Variants in OPHN1 observed in about 807,000 individuals in gnomAD.
OPHN1 encodes oligophrenin 1.
OPHN1 carries 11 observed loss-of-function variants against 60.7 expected under a neutral mutation model. The observed-to-expected ratio is 0.18, with a 90% CI of 0.11 to 0.30. The LOEUF (loss-of-function observed/expected upper bound fraction) is 0.30, where lower values mean the gene tolerates loss of function less well. Ranked by LOEUF, OPHN1 falls within the 10% of genes least tolerant of loss-of-function variation. OPHN1 has a pLI of 1.00. For synonymous variants in OPHN1, 226 were observed against 222.6 expected, an observed-to-expected ratio of 1.02 and a Z score of -0.14; for missense variants, 449 against 611.0, an observed-to-expected ratio of 0.73 and a Z score of 2.80.
intron 2 of OPHN1, among the ~76,000 whole-genome samples, chrX:68,303,464 T>A (rs1349905737): frequency 1.8e-5 from 2 of 109,996 alleles, no homozygotes; most frequent in African/African-American, 6.6e-5. Context: ...CTGACCAACA[T>A]GGTAAAACTC....
chrX:68,264,966 A>G (rs1326774741), intron 5 of OPHN1, among the ~76,000 whole-genome samples: 1 of 112,461 alleles, frequency 8.9e-6, no homozygotes, highest in Non-Finnish European at 1.9e-5. Flanking sequence ...GCAAGGCAGC[A>G]GCGAGGCTGG....
intron 2 of OPHN1, among the ~76,000 whole-genome samples, chrX:68,412,677 A>G (rs1172002192): frequency 2.7e-5 from 3 of 111,690 alleles, no homozygotes; most frequent in Non-Finnish European, 5.6e-5. Context: ...AAAACAATTA[A>G]AAATTATTTA....
intron 15 of OPHN1, among the ~76,000 whole-genome samples, chrX:68,137,601 G>C (rs966131215): frequency 9.0e-6 from 1 of 111,513 alleles, no homozygotes; most frequent in Non-Finnish European, 1.9e-5. Flanking sequence ...ATTAAGACTA[G>C]AACGGACATC....
At chrX:68,058,422 ATG>A in intron 21 of OPHN1, among the ~76,000 whole-genome samples, 1 of 111,613 alleles carries the variant, frequency 9.0e-6, no homozygotes. Context: ...GTGCCAAAAT[ATG>A]TGAATCAAGG....
At chrX:68,170,710 C>T (rs890768491) in intron 15 of OPHN1, among the ~76,000 whole-genome samples, 1 of 99,090 alleles carries the variant, frequency 1.0e-5, no homozygotes, top group Non-Finnish European at 2.0e-5. Flanking sequence ...CATATTCTCA[C>T]TCATAGGTGG....
At chrX:68,053,542 C>G in intron 22 of OPHN1, 103 bp downstream of exon 22, 3 of 839,542 alleles carry the variant, frequency 3.6e-6, no homozygotes, top group Non-Finnish European at 5.2e-6. Flanking sequence ...GTGAAGGATG[C>G]CCCAGGGCTG....
chrX:68,276,035 G>A (rs1415561408), intron 4 of OPHN1, among the ~76,000 whole-genome samples: 2 of 111,142 alleles, frequency 1.8e-5, no homozygotes, highest in African/African-American at 6.5e-5. Context: ...ATAAAACTAG[G>A]CAAGAAAAAA....
chrX:68,395,251 T>C (rs2078677318), intron 2 of OPHN1, among the ~76,000 whole-genome samples: 1 of 105,677 alleles, frequency 9.5e-6, no homozygotes, highest in African/African-American at 3.5e-5. Flanking sequence ...GCCACTGTGC[T>C]TGGCCTTGTT....
At chrX:68,131,282 A>C (rs1203787923) in intron 15 of OPHN1, among the ~76,000 whole-genome samples, 1 of 109,241 alleles carries the variant, frequency 9.2e-6, no homozygotes, top group Non-Finnish European at 1.9e-5. Context: ...GCAGTGGTGC[A>C]ATCTCGGCTC....
At position 68,193,087 on chromosome X, in the gene OPHN1, C is replaced by T. The variant is rs189578092; in HGVS notation, c.1202-94G>A. The T allele has an allele frequency of 1.8e-3, 1,164 of 647,951 alleles. 20 individuals are homozygous for T. In the African/African-American group the frequency reaches 0.022, roughly 12 times the overall value. The allele number at this position is 647,951 out of a possible 1,213,427, so 53.4% of individuals were successfully genotyped here. A position where few individuals can be genotyped will look rare whatever the true frequency, so the allele number is the denominator to read the frequency against. On this transcript the variant is annotated intron_variant, in intron 14 of 24. Coordinates refer to ENST00000355520, the MANE Select transcript of OPHN1 (RefSeq NM_002547.3). ...AGGGTCAATTCAGATAGGAAGGGGTCACACTACATACTCCAAGTTCTCCAG... is the reference window on the plus strand; with the variant it reads ...AGGGTCAATTCAGATAGGAAGGGGTTACACTACATACTCCAAGTTCTCCAG...
chrX:68,150,409 G>GA (rs1433517336), intron 15 of OPHN1, among the ~76,000 whole-genome samples: 1 of 111,359 alleles, frequency 9.0e-6, no homozygotes, highest in Admixed American at 9.6e-5. Flanking sequence ...GGTTGAGTGG[G>GA]AAAAAATGGA....
At chrX:68,433,715 C>T (rs2078897915), upstream of OPHN1, 1 of 295,782 alleles carries the variant, frequency 3.4e-6, no homozygotes, top group South Asian at 2.0e-4. Context: ...TCCTTTTAGG[C>T]GCCGGAAGGG....
chrX:68,135,571 G>T (rs1337023323), intron 15 of OPHN1, among the ~76,000 whole-genome samples: 3 of 112,268 alleles, frequency 2.7e-5, no homozygotes, highest in Non-Finnish European at 5.6e-5. Context: ...CAGTCTAGCT[G>T]CTGTGTAGAC....
At chrX:68,166,912 T>G (rs2077361002) in intron 15 of OPHN1, among the ~76,000 whole-genome samples, 1 of 112,164 alleles carries the variant, frequency 8.9e-6, no homozygotes, top group South Asian at 3.7e-4. Flanking sequence ...ATCTAAGACC[T>G]CAAACTATAA....
chrX:68,410,434 C>T (rs924676940), intron 2 of OPHN1, among the ~76,000 whole-genome samples: 2 of 110,471 alleles, frequency 1.8e-5, no homozygotes, highest in Non-Finnish European at 3.8e-5. Context: ...CAGTGGTTCA[C>T]GCCTGTAATC....
intron 2 of OPHN1, among the ~76,000 whole-genome samples, chrX:68,377,600 T>G (rs1316179629): frequency 9.4e-6 from 1 of 106,340 alleles, no homozygotes; most frequent in African/African-American, 3.4e-5. Context: ...CCCACAACAG[T>G]CCCCAGAGTG....
At chrX:68,073,438 G>C (rs2076942447) in intron 19 of OPHN1, 139 bp from the exon 20 acceptor site, 1 of 524,993 alleles carries the variant, frequency 1.9e-6, no homozygotes. Context: ...AAGAATCAGA[G>C]ATTTTCTTAA....
At chrX:68,321,937 A>G (rs1368428828) in intron 2 of OPHN1, among the ~76,000 whole-genome samples, 1 of 107,586 alleles carries the variant, frequency 9.3e-6, no homozygotes, top group Non-Finnish European at 1.9e-5. Flanking sequence ...AAAAAAGACC[A>G]AACATATTTT....
intron 2 of OPHN1, among the ~76,000 whole-genome samples, chrX:68,342,357 A>C (rs1333350330): frequency 1.8e-5 from 2 of 111,507 alleles, no homozygotes; most frequent in Non-Finnish European, 3.8e-5. Flanking sequence ...AAATACAAAA[A>C]TGTAATATGT....
Sources: allele counts gnomAD v4.1 joint callset (sites outside exome capture counted in the v4.1 genomes callset), GRCh38; gene constraint gnomAD v4.1.1; transcripts MANE v1.5; gene names NCBI Gene and HGNC (gene_info 2026-07-23, HGNC 2026-07-21).